Variants in NDUFAB1 observed in about 807,000 individuals in gnomAD.
NDUFAB1 encodes NADH:ubiquinone oxidoreductase subunit AB1, also known as acyl carrier protein, mitochondrial.
NDUFAB1 carries 5 observed loss-of-function variants against 16.1 expected under a neutral mutation model. That is an observed-to-expected ratio of 0.31 (90% CI 0.16 to 0.65). The LOEUF is 0.65. Among genes scored for constraint, NDUFAB1 ranks in the 30% least tolerant of loss-of-function variants. The pLI is 0.77. For missense variants in NDUFAB1, 187 were observed against 205.3 expected (o/e 0.91, Z 0.54); for synonymous variants, 85 against 78.4 (o/e 1.08, Z -0.44).
In NDUFAB1 at chr16:23,596,228, G is replaced by A. The variant is rs1339865874; in HGVS notation, c.63C>T (p.Pro21=). 3 of 1,607,470 alleles carry A rather than the reference G, an allele frequency of 1.9e-6. No homozygotes were observed. The highest frequency in any genetic ancestry group is 1.7e-6 in the Non-Finnish European group (2 of 1,177,770). Residue 21 remains proline, a synonymous_variant, in exon 1 of 5, where the codon CCC becomes CCT. Coordinates refer to ENST00000007516, the MANE Select transcript of NDUFAB1 (RefSeq NM_005003.3). ...GGGCCACGGCCAGCATCCGGACCCG[G>A]GGCAGCGGCGCAAAGGCCGCGGGCA... ...SRLPAAFAPL[P]RVRMLAVARP...
chr16:23,581,758 A>G (rs1311135525), intron 4 of NDUFAB1: 1 of 152,258 alleles, frequency 6.6e-6, no homozygotes, highest in Non-Finnish European at 1.5e-5. Context: ...AGGTCCTATC[A>G]TTACCACCAT....
intron 4 of NDUFAB1, among the ~76,000 whole-genome samples, chr16:23,581,541 A>G (rs191749080): frequency 7.2e-4 from 108 of 150,008 alleles, no homozygotes; most frequent in African/African-American, 2.5e-3. Context: ...GCAAGGTTCC[A>G]TCTTTAAAAA....
chr16:23,596,286 G>A lies in NDUFAB1; in HGVS notation c.5C>T (p.Ala2Val), dbSNP rs776793047. 1.0e-5 allele frequency: 16 copies of A among 1,560,972 alleles called. No homozygotes were observed. The South Asian group carries it at 1.9e-4, about 18-fold the overall frequency. ...GACATAGGCTGAAAGGACACGAGAC[G>A]CCATGGCTACGCCAACCCAGGATGC... M[A>V]SRVLSAYVSR... Residue 2 changes from alanine (A) to valine (V), a missense_variant, in exon 1 of 5, where the codon GCG becomes GTG. Ala to Val is a moderately conservative substitution (Grantham distance 64, BLOSUM62 0). This residue lies in a region of NDUFAB1 where 135 missense variants were observed against 129.4 expected (regional missense o/e 1.04). Coordinates refer to ENST00000007516, the MANE Select transcript of NDUFAB1 (RefSeq NM_005003.3).
At chr16:23,586,572 A>T (rs1966235177) in intron 2 of NDUFAB1, among the ~76,000 whole-genome samples, 1 of 151,652 alleles carries the variant, frequency 6.6e-6, no homozygotes, top group Non-Finnish European at 1.5e-5. Flanking sequence ...TGACCTCATG[A>T]TCCACTCGCC....
intron 2 of NDUFAB1, among the ~76,000 whole-genome samples, chr16:23,585,933 GTT>G (rs1270789388): frequency 6.6e-6 from 1 of 152,118 alleles, no homozygotes; most frequent in South Asian, 2.1e-4. Context: ...AATGTTGTCT[GTT>G]TTTTGGTTTT....
intron 1 of NDUFAB1, among the ~76,000 whole-genome samples, chr16:23,588,701 C>T (rs917073203): frequency 1.3e-5 from 2 of 152,050 alleles, no homozygotes; most frequent in African/African-American, 2.4e-5. Context: ...GGTATTGGGC[C>T]GATGTGTGTC....
At chr16:23,581,546 TAAAAAAA>T (rs60306232) in intron 4 of NDUFAB1, among the ~76,000 whole-genome samples, 1 of 123,010 alleles carries the variant, frequency 8.1e-6, no homozygotes, top group Non-Finnish European at 1.7e-5. Context: ...GTTCCATCTT[TAAAAAAA>T]AAAAAAAAAA....
chr16:23,592,685 C>A (rs1191670121), intron 1 of NDUFAB1, among the ~76,000 whole-genome samples: 1 of 152,098 alleles, frequency 6.6e-6, no homozygotes, highest in Non-Finnish European at 1.5e-5. Flanking sequence ...TAGGCCATTG[C>A]CCTTGGTTTT....
intron 1 of NDUFAB1, among the ~76,000 whole-genome samples, chr16:23,594,005 C>A (rs962756464): frequency 4.0e-5 from 6 of 150,914 alleles, no homozygotes; most frequent in Non-Finnish European, 8.9e-5. Flanking sequence ...CTCAGCCTCC[C>A]GAGTAGCTGG....
In NDUFAB1 at chr16:23,585,423, G is replaced by A. The variant is rs1227981095; in HGVS notation, c.292C>T (p.Leu98Phe). ...KLYDKIDPEK[L>F]SVNSHFMKDL... The stretch of plus-strand genomic sequence containing the variant: ...TTCATAAAATGAGAATTTACTGAAA[G>A]CTGCAAGAAAGGAGCACCAAACACA... The change falls in exon 3 of 5, where the codon CTT becomes TTT. Residue 98 changes from leucine (L) to phenylalanine (F), a missense_variant and splice_region_variant. This residue lies in a region of NDUFAB1 where 20 missense variants were observed against 47.1 expected (regional missense o/e 0.42). Transcript: ENST00000007516. 1.2e-6 allele frequency: 2 copies of A among 1,612,424 alleles called. No individual in the cohort carries two copies. Among genetic ancestry groups the A allele is most frequent in the Non-Finnish European group, 1.7e-6 (2 of 1,178,520 alleles).
intron 1 of NDUFAB1, among the ~76,000 whole-genome samples, chr16:23,589,268 G>C (rs2142235964): frequency 6.7e-6 from 1 of 150,270 alleles, no homozygotes; most frequent in African/African-American, 2.4e-5. Flanking sequence ...TTACACTCCA[G>C]CATGGGTGAC....
intron 3 of NDUFAB1, among the ~76,000 whole-genome samples, chr16:23,584,305 C>T (rs1327741713): frequency 1.4e-5 from 2 of 143,286 alleles, no homozygotes; most frequent in African/African-American, 5.2e-5. Flanking sequence ...AGTCACTCCC[C>T]ATCCTCCCTA....
At chr16:23,583,762 C>A (rs1222692603) in intron 3 of NDUFAB1, among the ~76,000 whole-genome samples, 3 of 148,104 alleles carry the variant, frequency 2.0e-5, no homozygotes. Context: ...GGAGGTGTAC[C>A]CAACAGCTCA....
chr16:23,583,473 G>A (rs1454446187), intron 3 of NDUFAB1, among the ~76,000 whole-genome samples: 9 of 140,430 alleles, frequency 6.4e-5, no homozygotes, highest in African/African-American at 2.5e-4. Context: ...GCCACCCATC[G>A]TCTGAGATGT....
chr16:23,594,434 C>T (rs891387189), intron 1 of NDUFAB1, among the ~76,000 whole-genome samples: 2 of 151,928 alleles, frequency 1.3e-5, no homozygotes, highest in Non-Finnish European at 2.9e-5. Flanking sequence ...CTCCCTAAAA[C>T]CTCTGCCTCC....
intron 1 of NDUFAB1, among the ~76,000 whole-genome samples, chr16:23,589,405 G>A (rs1239087187): frequency 6.6e-6 from 1 of 152,112 alleles, no homozygotes; most frequent in Non-Finnish European, 1.5e-5. Context: ...GAGTTTTAGA[G>A]CATGTTTCTT....
intron 1 of NDUFAB1, among the ~76,000 whole-genome samples, chr16:23,594,907 G>A (rs555867534): frequency 5.3e-5 from 8 of 151,976 alleles, no homozygotes; most frequent in South Asian, 2.1e-4. Context: ...ACCTTAAGAC[G>A]GTTATTTTTA....
intron 1 of NDUFAB1, 68 bp downstream of exon 1, chr16:23,596,055 C>T (rs1966322910): frequency 6.5e-7 from 1 of 1,527,064 alleles, no homozygotes; most frequent in African/African-American, 1.4e-5. Context: ...CCCGGATGCC[C>T]GGCCCCCACC....
chr16:23,589,299 G>GAA (rs200912248), intron 1 of NDUFAB1, among the ~76,000 whole-genome samples: 9 of 102,436 alleles, frequency 8.8e-5, no homozygotes, highest in East Asian at 2.7e-4. Flanking sequence ...TCCGTCTCAA[G>GAA]AAAAAAAAAA....
Sources: allele counts gnomAD v4.1 joint callset (sites outside exome capture counted in the v4.1 genomes callset), GRCh38; gene constraint gnomAD v4.1.1; regional missense constraint gnomAD v4.1.1; transcripts MANE v1.5; gene names NCBI Gene and HGNC (gene_info 2026-07-23, HGNC 2026-07-21).